The following FAAH variants were observed in gnomAD, a reference collection of about 807,000 sequenced individuals.
The protein encoded by FAAH is fatty-acid amide hydrolase 1.
In FAAH, 63 loss-of-function variants were observed where a neutral mutation model predicts 69.7. The ratio of observed to expected loss-of-function variants is 0.90; its 90% CI spans 0.74 to 1.12. The LOEUF (loss-of-function observed/expected upper bound fraction) is 1.12, where lower values mean the gene tolerates loss of function less well. FAAH is among the 50% of genes most tolerant of loss of function. The pLI, the probability that FAAH is intolerant of heterozygous loss-of-function variation, is 0.00. For missense variants in FAAH, 680 were observed against 755.0 expected (o/e 0.90, Z 1.16); for synonymous variants, 305 against 324.2 (o/e 0.94, Z 0.64).
In FAAH at chr1:46,405,203, G is replaced by A. The variant is rs2148448977; in HGVS notation, c.444+55G>A. On this transcript the variant is annotated intron_variant, in intron 3 of 14. Transcript: ENST00000243167. This position sits in a 1 kb window ranked among gnomAD's most constrained non-coding sequence, Gnocchi z 4.1. ...TCGTCCCCTCCATCCCTGCCAGCCT[G>A]CTCTGCATCTTGGGTCATTTTGGGC... 2 of 1,613,242 alleles carry A rather than the reference G, an allele frequency of 1.2e-6. No homozygotes were observed. Among genetic ancestry groups the A allele is most frequent in the South Asian group, 2.2e-5 (2 of 91,042 alleles).
chr1:46,395,103 G>A (rs1664574063), intron 1 of FAAH, among the ~76,000 whole-genome samples: 1 of 152,172 alleles, frequency 6.6e-6, no homozygotes, highest in Admixed American at 6.5e-5. Context: ...ACTACGCCTG[G>A]CTAATTTTTG....
At position 46,410,205 on chromosome 1, in the gene FAAH, G is replaced by C; in HGVS notation, c.1176-193G>C. On this transcript the variant is annotated intron_variant, in intron 9 of 14. Transcript: ENST00000243167. The surrounding 1 kb of genome is among the most constrained non-coding windows in gnomAD (Gnocchi z 4.9). ...AGTCCTGCCTTGGGGAGCTCCCGTG[G>C]ATGTGGGTTGCAGCCCAGGCATCCC... The C allele has an allele frequency of 1.5e-6, 1 of 666,950 alleles. No individual in the cohort carries two copies. Among genetic ancestry groups the C allele is most frequent in the South Asian group, 1.7e-5 (1 of 59,958 alleles). 41.3% of individuals were successfully genotyped at this position (666,950 alleles called of 1,614,324 possible). A position where few individuals can be genotyped will look rare whatever the true frequency, so the allele number is the denominator to read the frequency against.
chr1:46,406,438 G>A, intron 7 of FAAH, 70 bp downstream of exon 7: 1 of 1,603,382 alleles, frequency 6.2e-7, no homozygotes, highest in African/African-American at 1.3e-5. Context: ...CTTGTGGGCA[G>A]GCCTTGGAGC....
Position 46,410,157 on chromosome 1 carries a change from GT to G in FAAH, c.1176-238del. On this transcript the variant is annotated intron_variant, in intron 9 of 14. Coordinates refer to ENST00000243167, the MANE Select transcript of FAAH (RefSeq NM_001441.3). The surrounding 1 kb of genome is among the most constrained non-coding windows in gnomAD (Gnocchi z 4.9). ...CTCAGTTCTTAGAGCTCTGAGCTGGGTTTGCTGGAGAGGGATACCCTGAGTC... is the reference window on the plus strand; with the variant it reads ...CTCAGTTCTTAGAGCTCTGAGCTGGGTTGCTGGAGAGGGATACCCTGAGTC... The G allele has an allele frequency of 1.9e-6, 1 of 529,608 alleles. No individual in the cohort carries two copies. 32.8% of individuals were successfully genotyped at this position (529,608 alleles called of 1,614,324 possible). A position where few individuals can be genotyped will look rare whatever the true frequency, so the allele number is the denominator to read the frequency against.
chr1:46,410,611 T>C lies in FAAH; in HGVS notation c.1275+114T>C. On this transcript the variant is annotated intron_variant, in intron 10 of 14. Transcript: ENST00000243167. This position sits in a 1 kb window ranked among gnomAD's most constrained non-coding sequence, Gnocchi z 4.9. ...TCTCTTGGTTTGGGCAGGCATGGCC[T>C]CCTCTTCTCTCCAGTCCCCACCCAG... 1 of 1,099,400 alleles carries C rather than the reference T, an allele frequency of 9.1e-7. No individual in the cohort carries two copies. The allele number at this position is 1,099,400 out of a possible 1,614,324, so 68.1% of individuals were successfully genotyped here.
rs1664890862 is a variant in FAAH at position 46,410,439 on chromosome 1, CA to C, written c.1219del (p.Ile407PhefsTer2). The part of the protein sequence containing the change: ...FVDPCLGDLV[S>X]ILKLPQWLKG... ...GACCCCTGCCTGGGGGACCTGGTCT[CA>C]ATTCTGAAGCTTCCCCAATGGCTTA... On this transcript the variant is annotated frameshift_variant, in exon 10 of 15. Transcript: ENST00000243167. LOFTEE classifies it high-confidence loss of function. This position sits in a 1 kb window ranked among gnomAD's most constrained non-coding sequence, Gnocchi z 4.9. 1 of 1,613,974 alleles carries C rather than the reference CA, an allele frequency of 6.2e-7. No individual in the cohort carries two copies. Among genetic ancestry groups the C allele is most frequent in the African/African-American group, 1.3e-5 (1 of 74,876 alleles).
chr1:46,405,914 A>G lies in FAAH; in HGVS notation c.785+120A>G, dbSNP rs1664785568. The G allele has an allele frequency of 6.2e-7, 1 of 1,611,022 alleles. No homozygotes were observed. The highest frequency in any genetic ancestry group is 8.5e-7 in the Non-Finnish European group (1 of 1,179,314). On this transcript the variant is annotated intron_variant, in intron 5 of 14. Coordinates refer to ENST00000243167, the MANE Select transcript of FAAH (RefSeq NM_001441.3). This position sits in a 1 kb window ranked among gnomAD's most constrained non-coding sequence, Gnocchi z 4.1. ...GGGTTTTGCTGGGAGGAAGCATTAC[A>G]GTACCACTGGCCGGGCGTGGGTCCT...
At position 46,405,876 on chromosome 1, in the gene FAAH, G is replaced by A. The variant is rs1296815017; in HGVS notation, c.785+82G>A. The A allele has an allele frequency of 1.9e-6, 3 of 1,605,876 alleles. No homozygotes were observed. Among genetic ancestry groups the A allele is most frequent in the Non-Finnish European group, 2.5e-6 (3 of 1,176,702 alleles). On this transcript the variant is annotated intron_variant, in intron 5 of 14. Transcript: ENST00000243167. The surrounding 1 kb of genome is among the most constrained non-coding windows in gnomAD (Gnocchi z 4.1). ...CCAACCTCTCTGGGCTCCAGGCGGG[G>A]ATTCGGTCTCCGGGGTTTTGCTGGG...
rs772074092 is a variant in FAAH at position 46,406,018 on chromosome 1, A to G, written c.786-20A>G. ...CGGGTGGCCATTTCCTGTTTCCAGC[A>G]TCTTATGTTTCTTATCCAGCAAGAG... On this transcript the variant is annotated intron_variant, in intron 5 of 14. Coordinates refer to ENST00000243167, the MANE Select transcript of FAAH (RefSeq NM_001441.3). The G allele has an allele frequency of 1.2e-6, 2 of 1,614,090 alleles. No homozygotes were observed. The highest frequency in any genetic ancestry group is 2.2e-5 in the East Asian group (1 of 44,878).
Position 46,394,353 on chromosome 1 carries a change from T to C in FAAH, c.5T>C (p.Val2Ala). Residue 2 changes from valine to alanine, a missense_variant, in exon 1 of 15, where the codon GTG becomes GCG. Physicochemically the swap from Val to Ala is moderately conservative, Grantham distance 64. Transcript: ENST00000243167. ...CAGCAGCAGGCTGAAGGGATCATGG[T>C]GCAGTACGAGCTGTGGGCCGCGCTG... M[V>A]QYELWAALPG... 1 of 1,558,414 alleles carries C rather than the reference T, an allele frequency of 6.4e-7. No homozygotes were observed. Among genetic ancestry groups the C allele is most frequent in the East Asian group, 2.5e-5 (1 of 39,444 alleles).
chr1:46,403,156 A>C (rs2148447665), intron 2 of FAAH, among the ~76,000 whole-genome samples: 1 of 147,294 alleles, frequency 6.8e-6, no homozygotes, highest in Non-Finnish European at 1.5e-5. Flanking sequence ...TTGAGATGGG[A>C]GTCTTGCTCT....
chr1:46,402,315 G>C, intron 2 of FAAH, 111 bp downstream of exon 2: 1 of 946,770 alleles, frequency 1.1e-6, no homozygotes, highest in Non-Finnish European at 1.7e-6. Context: ...ACCTGGCCTG[G>C]AGTTAGTCCT....
chr1:46,400,401 G>T (rs1024241606), intron 1 of FAAH, among the ~76,000 whole-genome samples: 5 of 152,154 alleles, frequency 3.3e-5, no homozygotes, highest in African/African-American at 1.2e-4. Flanking sequence ...CAGGGCAGCA[G>T]TTGGGTGGCC....
At position 46,406,038 on chromosome 1, in the gene FAAH, C is replaced by T. The variant is rs200965651; in HGVS notation, c.786C>T (p.Ser262=). The T allele has an allele frequency of 1.2e-6, 2 of 1,614,206 alleles. No homozygotes were observed. The highest frequency in any genetic ancestry group is 1.7e-6 in the Non-Finnish European group (2 of 1,180,042). ...CGLKPTGNRL[S]KSGLKGCVYG... is the part of the protein sequence containing the mutation. The stretch of plus-strand genomic sequence containing the variant: ...CCAGCATCTTATGTTTCTTATCCAG[C>T]AAGAGTGGCCTGAAGGGCTGTGTCT... The change falls in exon 6 of 15, where the codon AGC becomes AGT. Residue 262 remains serine (S), a splice_region_variant and synonymous_variant. Transcript: ENST00000243167.
chr1:46,410,325 G>T lies in FAAH; in HGVS notation c.1176-73G>T, dbSNP rs542593040. 1,105 of 1,157,774 alleles carry T rather than the reference G, an allele frequency of 9.5e-4. 17 individuals carry two copies. The South Asian group carries it at 0.012, about 13-fold the overall frequency. The allele number at this position is 1,157,774 out of a possible 1,614,324, so 71.7% of individuals were successfully genotyped here. A position where few individuals can be genotyped will look rare whatever the true frequency, so the allele number is the denominator to read the frequency against. ...GGATCCCTGCATAGAGAATGGGATTGCTGTGGGCCGGGCGAGCAAGCTGGG... is the reference window on the plus strand; with the variant it reads ...GGATCCCTGCATAGAGAATGGGATTTCTGTGGGCCGGGCGAGCAAGCTGGG... On this transcript the variant is annotated intron_variant, in intron 9 of 14. Transcript: ENST00000243167. This position sits in a 1 kb window ranked among gnomAD's most constrained non-coding sequence, Gnocchi z 4.9.
Position 46,404,063 on chromosome 1 carries a change from A to G in FAAH, c.310-951A>G, listed in dbSNP as rs1323325356. ...TTGTCTGGGTGCAGTGTATGTGACAATGCTGTGGGGGCTGCAGCTGAGGAA... is the reference window on the plus strand; with the variant it reads ...TTGTCTGGGTGCAGTGTATGTGACAGTGCTGTGGGGGCTGCAGCTGAGGAA... On this transcript the variant is annotated intron_variant, in intron 2 of 14. Coordinates refer to ENST00000243167, the MANE Select transcript of FAAH (RefSeq NM_001441.3). This position sits in a 1 kb window ranked among gnomAD's most constrained non-coding sequence, Gnocchi z 4.5. Among the ~76,000 whole-genome samples the G allele has an allele frequency of 6.6e-6, 1 of 152,116 alleles. No homozygotes were observed. Among genetic ancestry groups the G allele is most frequent in the African/African-American group, 2.4e-5 (1 of 41,396 alleles).
In FAAH at chr1:46,406,364, A is replaced by C. The variant is rs759035417; in HGVS notation, c.947A>C (p.Glu316Ala). 4 of 1,613,940 alleles carry C rather than the reference A, an allele frequency of 2.5e-6. No individual in the cohort carries two copies. The highest frequency in any genetic ancestry group is 3.4e-6 in the Non-Finnish European group (4 of 1,180,008). Reference sequence around the variant, plus strand: ...ACTGTGCCTCCCTTGCCCTTCAGAGAAGAGGTGAGCAGGGCTGGGTGGGCA... The same window carrying C: ...ACTGTGCCTCCCTTGCCCTTCAGAGCAGAGGTGAGCAGGGCTGGGTGGGCA... ...DPTVPPLPFR[E>A]EVYTSSQPLR... Residue 316 changes from glutamate to alanine, a missense_variant, in exon 7 of 15, where the codon GAA (glutamate) becomes GCA (alanine). Physicochemically the swap from Glu to Ala is moderately radical, Grantham distance 107. Transcript: ENST00000243167.
At position 46,406,087 on chromosome 1, in the gene FAAH, C is replaced by T; in HGVS notation, c.826+9C>T. 2.5e-6 allele frequency: 4 copies of T among 1,614,200 alleles called. No homozygotes were observed. The highest frequency in any genetic ancestry group is 3.4e-6 in the Non-Finnish European group (4 of 1,180,026). Reference sequence around the variant, plus strand: ...CTATGGACAGGAGGCAGGTGAGGTCCGTGGTGCTCTCAGTGCCCCGAGGAG... The same window carrying T: ...CTATGGACAGGAGGCAGGTGAGGTCTGTGGTGCTCTCAGTGCCCCGAGGAG... On this transcript the variant is annotated intron_variant, in intron 6 of 14. Coordinates refer to ENST00000243167, the MANE Select transcript of FAAH (RefSeq NM_001441.3).
At position 46,410,295 on chromosome 1, in the gene FAAH, G is replaced by A. The variant is rs1035309290; in HGVS notation, c.1176-103G>A. 12 of 884,930 alleles carry A rather than the reference G, an allele frequency of 1.4e-5. No individual in the cohort carries two copies. Among genetic ancestry groups the A allele is most frequent in the Non-Finnish European group, 2.3e-5 (12 of 518,744 alleles). 54.8% of individuals were successfully genotyped at this position (884,930 alleles called of 1,614,324 possible). On this transcript the variant is annotated intron_variant, in intron 9 of 14. Coordinates refer to ENST00000243167, the MANE Select transcript of FAAH (RefSeq NM_001441.3). This position sits in a 1 kb window ranked among gnomAD's most constrained non-coding sequence, Gnocchi z 4.9. ...GAGCTGAGTCTGGTGAGGAGGAGGT[G>A]GACAGGATCCCTGCATAGAGAATGG...
Sources: allele counts gnomAD v4.1 joint callset (sites outside exome capture counted in the v4.1 genomes callset), GRCh38; gene constraint gnomAD v4.1.1; non-coding constraint Gnocchi (gnomAD v3.1); transcripts MANE v1.5; gene names NCBI Gene and HGNC (gene_info 2026-07-23, HGNC 2026-07-21).